KANK1: variants seen among roughly 807,000 people sequenced by gnomAD.
KANK1 encodes the protein KN motif and ankyrin repeat domain-containing protein 1.
In KANK1, 109 loss-of-function variants were observed where a neutral mutation model predicts 106.2. The ratio of observed to expected loss-of-function variants is 1.03; its 90% CI spans 0.88 to 1.20. KANK1 has a LOEUF of 1.20. KANK1 is among the 50% of genes most tolerant of loss of function. KANK1 has a pLI of 0.00. For missense variants in KANK1, 2,399 were observed against 1,710.7 expected, an observed-to-expected ratio of 1.40 and a Z score of -7.10; for synonymous variants, 873 against 652.2, an observed-to-expected ratio of 1.34 and a Z score of -5.16.
intron 1 of KANK1, among the ~76,000 whole-genome samples, chr9:640,237 T>TTTTTA (rs1198503013): frequency 6.6e-6 from 1 of 152,010 alleles, no homozygotes; most frequent in African/African-American, 2.4e-5. Flanking sequence ...GCACACATCA[T>TTTTTA]TTTTATTTTA....
At chr9:737,614 G>A (rs1314596370) in intron 7 of KANK1, among the ~76,000 whole-genome samples, 1 of 152,166 alleles carries the variant, frequency 6.6e-6, no homozygotes, top group South Asian at 2.1e-4. Flanking sequence ...GCTGATGAGA[G>A]AATGAAATTA....
chr9:625,282 G>A (rs191935490), intron 1 of KANK1, among the ~76,000 whole-genome samples: 268 of 152,282 alleles, frequency 1.8e-3, no homozygotes, highest in Non-Finnish European at 3.0e-3. Flanking sequence ...CCAGCCCCCA[G>A]ATAAAAACCG....
chr9:559,658 A>C (rs1217626195), intron 1 of KANK1, among the ~76,000 whole-genome samples: 1 of 152,256 alleles, frequency 6.6e-6, no homozygotes, highest in African/African-American at 2.4e-5. Context: ...AGGGTGAAAA[A>C]GACGGAAAAG....
At chr9:617,497 A>AGGATCCTGGAGCTTTGTTCTTTG (rs1265932412) in intron 1 of KANK1, among the ~76,000 whole-genome samples, 3 of 152,214 alleles carry the variant, frequency 2.0e-5, no homozygotes, top group Non-Finnish European at 4.4e-5. Flanking sequence ...AAAGAGGTTC[A>AGGATCCTGGAGCTTTGTTCTTTG]GGACCCTGGA....
chr9:674,072 T>G (rs552112821), intron 1 of KANK1: 8 of 152,312 alleles, frequency 5.3e-5, no homozygotes, highest in African/African-American at 1.4e-4. Flanking sequence ...CTCCTATTCT[T>G]AAAAGACAGT....
At chr9:624,424 A>G (rs988341177) in intron 1 of KANK1, among the ~76,000 whole-genome samples, 15 of 152,212 alleles carry the variant, frequency 9.9e-5, no homozygotes, top group Non-Finnish European at 1.8e-4. Context: ...ATCACATTGT[A>G]TACTTTGAAT....
At chr9:715,513 GA>G (rs1178663437) in intron 3 of KANK1, among the ~76,000 whole-genome samples, 2 of 152,188 alleles carry the variant, frequency 1.3e-5, no homozygotes, top group Admixed American at 1.3e-4. Context: ...TGAGCACGGA[GA>G]CCAGGGAGCA....
intron 1 of KANK1, among the ~76,000 whole-genome samples, chr9:669,081 C>T (rs927910165): frequency 2.0e-5 from 3 of 152,096 alleles, no homozygotes; most frequent in Non-Finnish European, 4.4e-5. Flanking sequence ...TTAAAACAAC[C>T]CTCCATCTTT....
chr9:597,165 A>G (rs1826423965), intron 1 of KANK1, among the ~76,000 whole-genome samples: 1 of 151,794 alleles, frequency 6.6e-6, no homozygotes, highest in South Asian at 2.1e-4. Flanking sequence ...TTTAATTCTT[A>G]TGAATAAGGC....
intron 1 of KANK1, among the ~76,000 whole-genome samples, chr9:605,723 TGAG>T (rs1219239176): frequency 1.3e-5 from 2 of 151,538 alleles, no homozygotes; most frequent in Non-Finnish European, 2.9e-5. Context: ...CTGGGGATGT[TGAG>T]GAGGGGAAAG....
intron 1 of KANK1, among the ~76,000 whole-genome samples, chr9:538,904 A>G (rs1308061594): frequency 1.3e-5 from 2 of 152,018 alleles, no homozygotes; most frequent in Admixed American, 6.6e-5. Flanking sequence ...ATTTTTTGAG[A>G]CAGTCTCACT....
At chr9:489,509 T>C (rs1349370646) in intron 3 of KANK1, among the ~76,000 whole-genome samples, 3 of 152,222 alleles carry the variant, frequency 2.0e-5, no homozygotes, top group Non-Finnish European at 4.4e-5. Flanking sequence ...GACTTCTGCT[T>C]AGACTGATAG....
intron 3 of KANK1, among the ~76,000 whole-genome samples, chr9:477,270 G>A (rs569184471): frequency 1.3e-4 from 20 of 150,850 alleles, no homozygotes; most frequent in African/African-American, 4.4e-4. Flanking sequence ...ATGACTCAGG[G>A]AGGTTTGAGA....
At chr9:640,415 T>TTA (rs1838151088) in intron 1 of KANK1, among the ~76,000 whole-genome samples, 1 of 151,688 alleles carries the variant, frequency 6.6e-6, no homozygotes. Flanking sequence ...TTTTTTTTTT[T>TTA]TATACAGAGT....
At chr9:572,460 G>T (rs1384871531) in intron 1 of KANK1, among the ~76,000 whole-genome samples, 2 of 152,100 alleles carry the variant, frequency 1.3e-5, no homozygotes, top group African/African-American at 4.8e-5. Context: ...GCTGAGACAG[G>T]AGACTGGCGT....
chr9:501,119 A>AT (rs1348603696), upstream of KANK1, among the ~76,000 whole-genome samples: 5 of 152,210 alleles, frequency 3.3e-5, no homozygotes, highest in African/African-American at 1.2e-4. Flanking sequence ...CTTGAGCAAA[A>AT]TGCTTCAAAA....
intron 3 of KANK1, among the ~76,000 whole-genome samples, chr9:725,152 C>G (rs1830336675): frequency 6.6e-6 from 1 of 152,110 alleles, no homozygotes; most frequent in South Asian, 2.1e-4. Context: ...GGACAGGGGA[C>G]TGTTCACCGA....
intron 1 of KANK1, among the ~76,000 whole-genome samples, chr9:616,820 A>G (rs970274131): frequency 1.3e-5 from 2 of 152,206 alleles, no homozygotes; most frequent in African/African-American, 4.8e-5. Context: ...GAGGAAGGAA[A>G]GAAAGCAAGG....
intron 1 of KANK1, among the ~76,000 whole-genome samples, chr9:505,154 G>A (rs1170425733): frequency 6.6e-6 from 1 of 152,138 alleles, no homozygotes; most frequent in Non-Finnish European, 1.5e-5. Flanking sequence ...TCCCTCGGAT[G>A]CCTCTGGGCC....
Sources: gnomAD v4.1 joint callset for allele counts (sites outside exome capture counted in the v4.1 genomes callset) on GRCh38, gnomAD v4.1.1 for gene constraint, MANE v1.5 for transcripts, NCBI Gene and HGNC (gene_info 2026-07-23, HGNC 2026-07-21) for gene names.